SDAD1: variants seen among roughly 807,000 people sequenced by gnomAD.
The protein encoded by SDAD1 is protein SDA1 homolog.
In SDAD1, 79 loss-of-function variants were observed where a neutral mutation model predicts 100.3. That is an observed-to-expected ratio of 0.79 (90% confidence interval 0.66 to 0.95). SDAD1 has a LOEUF of 0.95. Ranked by LOEUF, SDAD1 falls within the 40% of genes least tolerant of loss-of-function variation. The pLI is 0.00. For synonymous variants in SDAD1, 267 were observed against 271.4 expected, an observed-to-expected ratio of 0.98 and a Z score of 0.16; for missense variants, 790 against 810.9, an observed-to-expected ratio of 0.97 and a Z score of 0.31.
At chr4:75,969,918 A>C (rs1254988238) in intron 10 of SDAD1, among the ~76,000 whole-genome samples, 1 of 151,888 alleles carries the variant, frequency 6.6e-6, no homozygotes, top group Non-Finnish European at 1.5e-5. Context: ...GGTGAGACCA[A>C]TGTGTGGCCT....
chr4:75,986,416 C>A (rs1312844291), intron 1 of SDAD1, among the ~76,000 whole-genome samples: 2 of 152,184 alleles, frequency 1.3e-5, no homozygotes, highest in Non-Finnish European at 2.9e-5. Context: ...TGTCCCCATT[C>A]TCAGCAGATG....
intron 1 of SDAD1, among the ~76,000 whole-genome samples, chr4:75,988,146 T>C (rs1731012604): frequency 6.6e-6 from 1 of 152,178 alleles, no homozygotes. Context: ...TTATGTGGTG[T>C]CTCTGCTTCT....
intron 3 of SDAD1, among the ~76,000 whole-genome samples, chr4:75,978,249 T>C (rs1399575475): frequency 1.3e-5 from 2 of 151,378 alleles, no homozygotes; most frequent in African/African-American, 4.9e-5. Flanking sequence ...TTTTTTTTTT[T>C]TTTTTTGAGA....
intron 9 of SDAD1, among the ~76,000 whole-genome samples, chr4:75,970,980 G>GA (rs1019763375): frequency 1.3e-5 from 2 of 152,066 alleles, no homozygotes; most frequent in African/African-American, 4.8e-5. Flanking sequence ...ATAGCAGTGT[G>GA]AAAACAAACT....
chr4:75,981,907 C>G, intron 2 of SDAD1, 26 bp downstream of exon 2: 1 of 1,483,100 alleles, frequency 6.7e-7, no homozygotes, highest in Non-Finnish European at 9.4e-7. Flanking sequence ...TAATACTGGT[C>G]TTTATTTAAG....
At chr4:75,983,876 G>T (rs1390478847) in intron 1 of SDAD1, among the ~76,000 whole-genome samples, 2 of 152,084 alleles carry the variant, frequency 1.3e-5, no homozygotes, top group African/African-American at 4.8e-5. Flanking sequence ...CCTATGTCCT[G>T]AATGGTATTG....
intron 10 of SDAD1, among the ~76,000 whole-genome samples, chr4:75,969,689 A>G (rs1255702435): frequency 6.6e-6 from 1 of 152,116 alleles, no homozygotes; most frequent in Non-Finnish European, 1.5e-5. Context: ...TCCACCGGGG[A>G]GGCTCATTGG....
rs139338030 is a variant in SDAD1 at position 75,983,952 on chromosome 4, T to A, written c.91-1915A>T. 7.1e-3 allele frequency among the ~76,000 whole-genome samples: 1,085 copies of A among 152,222 alleles called. 11 individuals carry two copies. The highest frequency in any genetic ancestry group is 0.025 in the African/African-American group (1,046 of 41,550). On this transcript the variant is annotated intron_variant, in intron 1 of 21. Transcript: ENST00000356260. ...TGTTTAAGTCTTTAATCCATCTTGA[T>A]TTAATTTTTGTACAAGGTGTAAGGA...
At chr4:75,977,574 A>G in intron 4 of SDAD1, 72 bp downstream of exon 4, 1 of 928,962 alleles carries the variant, frequency 1.1e-6, no homozygotes, top group Admixed American at 1.8e-5. Flanking sequence ...TAAAGCATCG[A>G]TAATTCAAGA....
intron 3 of SDAD1, 33 bp from the exon 4 acceptor site, chr4:75,977,789 T>C (rs945017585): frequency 1.6e-5 from 21 of 1,315,158 alleles, no homozygotes; most frequent in Non-Finnish European, 1.9e-5. Context: ...CATAAGACAA[T>C]GGTAAAGTTA....
intron 4 of SDAD1, among the ~76,000 whole-genome samples, chr4:75,976,928 T>C (rs1442270140): frequency 6.6e-6 from 1 of 152,190 alleles, no homozygotes; most frequent in Non-Finnish European, 1.5e-5. Context: ...AAATTTTAAA[T>C]TAATGAATGT....
chr4:75,975,032 C>T (rs886596489), intron 6 of SDAD1, among the ~76,000 whole-genome samples: 3 of 151,248 alleles, frequency 2.0e-5, no homozygotes, highest in African/African-American at 7.3e-5. Flanking sequence ...CAGAGCAAGA[C>T]TTTCTCAAAA....
intron 20 of SDAD1, among the ~76,000 whole-genome samples, chr4:75,956,878 G>A (rs1218467261): frequency 1.3e-5 from 2 of 152,348 alleles, no homozygotes; most frequent in East Asian, 3.9e-4. Flanking sequence ...GGGAGGCTGA[G>A]GCGGGTGGAT....
Position 75,950,647 on chromosome 4 carries a change from G to A in SDAD1, c.*103C>T, listed in dbSNP as rs1728579193. 4.0e-6 allele frequency: 3 copies of A among 758,366 alleles called. No homozygotes were observed. Among genetic ancestry groups the A allele is most frequent in the South Asian group, 2.3e-5 (1 of 44,352 alleles). 47.0% of individuals were successfully genotyped at this position (758,366 alleles called of 1,614,324 possible). ...TGTTCAGCAGTTTTCACAATACAGT[G>A]TGTCTGGACTTTTTAATGTAAACAA... On this transcript the variant is annotated 3_prime_UTR_variant, in exon 22 of 22. Transcript: ENST00000356260.
chr4:75,981,632 A>G (rs997605320), intron 2 of SDAD1, 162 bp from the exon 3 acceptor site: 4 of 1,201,900 alleles, frequency 3.3e-6, no homozygotes, highest in Non-Finnish European at 2.4e-6. Flanking sequence ...AATTTCTCCA[A>G]CATTTATCAT....
At chr4:75,978,128 C>T (rs1292008522) in intron 3 of SDAD1, among the ~76,000 whole-genome samples, 1 of 151,834 alleles carries the variant, frequency 6.6e-6, no homozygotes, top group Non-Finnish European at 1.5e-5. Flanking sequence ...ACATAATACA[C>T]TAAATTGGAA....
At chr4:75,978,884 T>C (rs1240619025) in intron 3 of SDAD1, among the ~76,000 whole-genome samples, 1 of 141,776 alleles carries the variant, frequency 7.1e-6, no homozygotes, top group Non-Finnish European at 1.5e-5. Flanking sequence ...CACGCTGAGG[T>C]GGGAGGACTG....
At chr4:75,965,989 G>A (rs759721084) in intron 12 of SDAD1, among the ~76,000 whole-genome samples, 167 bp from the exon 13 acceptor site, 20 of 152,058 alleles carry the variant, frequency 1.3e-4, no homozygotes, top group Middle Eastern at 3.4e-3. Context: ...ACTTTCTTCA[G>A]GTCCCTACTC....
rs775367244 is a variant in SDAD1, at chr4:75,982,077, C to A, written c.91-40G>T. On this transcript the variant is annotated intron_variant, in intron 1 of 21. Transcript: ENST00000356260. Reference sequence around the variant, plus strand: ...AATTTAAGTTTGTCACATTGTATTACATGACTTTCTCAGTACAGACATTCA... The same window carrying A: ...AATTTAAGTTTGTCACATTGTATTAAATGACTTTCTCAGTACAGACATTCA... 2.4e-6 allele frequency: 3 copies of A among 1,274,270 alleles called. No homozygotes were observed. In the Admixed American group the frequency reaches 5.6e-5, roughly 24 times the overall value. 78.9% of individuals were successfully genotyped at this position (1,274,270 alleles called of 1,614,324 possible). A position where few individuals can be genotyped will look rare whatever the true frequency, so the allele number is the denominator to read the frequency against.
Sources: gnomAD v4.1 joint callset for allele counts (sites outside exome capture counted in the v4.1 genomes callset) on GRCh38, gnomAD v4.1.1 for gene constraint, MANE v1.5 for transcripts, NCBI Gene and HGNC (gene_info 2026-07-23, HGNC 2026-07-21) for gene names.